Variants in LGR4 observed in about 807,000 individuals in gnomAD.
The protein encoded by LGR4 is leucine rich repeat containing G protein-coupled receptor 4.
LGR4 carries 44 observed loss-of-function variants against 84.8 expected under a neutral mutation model. That is an observed-to-expected ratio of 0.52 (90% confidence interval 0.41 to 0.67). LGR4 has a LOEUF of 0.67. Ranked by LOEUF, LGR4 falls within the 30% of genes least tolerant of loss-of-function variation. LGR4 has a pLI of 0.00. For synonymous variants in LGR4, 429 were observed against 434.3 expected (o/e 0.99, Z 0.15); for missense variants, 1,032 against 1,131.4 (o/e 0.91, Z 1.26).
At chr11:27,415,809 G>C (rs4565858) in intron 1 of LGR4, among the ~76,000 whole-genome samples, 1 of 151,922 alleles carries the variant, frequency 6.6e-6, no homozygotes, top group Non-Finnish European at 1.5e-5. Context: ...GTATAGTTGC[G>C]TGGGTATCCA....
intron 1 of LGR4, among the ~76,000 whole-genome samples, chr11:27,431,336 A>G (rs1864113381): frequency 6.6e-6 from 1 of 152,194 alleles, no homozygotes; most frequent in Non-Finnish European, 1.5e-5. Flanking sequence ...TTCACATGTG[A>G]GAACCACTGC....
chr11:27,396,733 G>A (rs1222870786), intron 2 of LGR4, among the ~76,000 whole-genome samples: 1 of 151,966 alleles, frequency 6.6e-6, no homozygotes, highest in African/African-American at 2.4e-5. Flanking sequence ...CTTTTTCATT[G>A]ACTAAATCTT....
At chr11:27,406,460 C>T (rs1402971694) in intron 2 of LGR4, among the ~76,000 whole-genome samples, 1 of 152,090 alleles carries the variant, frequency 6.6e-6, no homozygotes, top group Non-Finnish European at 1.5e-5. Context: ...TGAAAAGCTT[C>T]GGCTCCCAAT....
At chr11:27,411,961 T>C (rs1359820563) in intron 2 of LGR4, among the ~76,000 whole-genome samples, 3 of 152,134 alleles carry the variant, frequency 2.0e-5, no homozygotes, top group African/African-American at 7.2e-5. Context: ...TCTTTGATGT[T>C]CTTAGTATCA....
chr11:27,416,365 G>A (rs571526400), intron 1 of LGR4, among the ~76,000 whole-genome samples: 1 of 152,292 alleles, frequency 6.6e-6, no homozygotes, highest in South Asian at 2.1e-4. Flanking sequence ...TTGTAAAACG[G>A]AGGCAGTAAT....
At chr11:27,463,556 C>T (rs1300477810) in intron 1 of LGR4, among the ~76,000 whole-genome samples, 1 of 151,978 alleles carries the variant, frequency 6.6e-6, no homozygotes, top group African/African-American at 2.4e-5. Flanking sequence ...GAGGCTGAGG[C>T]GGGCGGATCA....
rs1229628589 is a variant in LGR4 at position 27,472,677 on chromosome 11, A to C, written c.-375T>G. The C allele has an allele frequency of 5.6e-6, 2 of 357,400 alleles. No homozygotes were observed. The highest frequency in any genetic ancestry group is 1.0e-5 in the Non-Finnish European group (2 of 200,534). 22.1% of individuals were successfully genotyped at this position (357,400 alleles called of 1,614,324 possible). On this transcript the variant is annotated 5_prime_UTR_variant, in exon 1 of 18. Coordinates refer to ENST00000379214, the MANE Select transcript of LGR4 (RefSeq NM_018490.5). ...AGCGCAGCCTTCAGCCATGCCGGCC[A>C]CTCGCCCCAGCCCCCGCCGTGGCTC...
intron 13 of LGR4, among the ~76,000 whole-genome samples, chr11:27,375,866 A>G (rs1295383291): frequency 6.6e-6 from 1 of 152,238 alleles, no homozygotes; most frequent in African/African-American, 2.4e-5. Flanking sequence ...TAGCTAAAGT[A>G]AAAAATATTG....
At chr11:27,373,153 C>T (rs766052751) in intron 15 of LGR4, 4 of 153,012 alleles carry the variant, frequency 2.6e-5, no homozygotes, top group South Asian at 2.1e-4. Flanking sequence ...CGAGCCACCA[C>T]GCTCGGCCTC....
At chr11:27,463,523 C>T (rs558997331) in intron 1 of LGR4, among the ~76,000 whole-genome samples, 1 of 152,134 alleles carries the variant, frequency 6.6e-6, no homozygotes, top group East Asian at 1.9e-4. Flanking sequence ...TGGTGGCTCA[C>T]ACCTGTAATC....
chr11:27,384,832 C>T (rs763776098), intron 5 of LGR4, among the ~76,000 whole-genome samples: 3 of 152,122 alleles, frequency 2.0e-5, no homozygotes, highest in Non-Finnish European at 4.4e-5. Flanking sequence ...AAAAGAAGCA[C>T]TATTTTGTTA....
intron 1 of LGR4, among the ~76,000 whole-genome samples, chr11:27,417,702 C>T (rs1863846885): frequency 6.6e-6 from 1 of 152,054 alleles, no homozygotes; most frequent in Non-Finnish European, 1.5e-5. Context: ...ATATCAACAC[C>T]CACTGGTAAC....
intron 1 of LGR4, among the ~76,000 whole-genome samples, chr11:27,460,951 C>T (rs1864669444): frequency 6.6e-6 from 1 of 151,394 alleles, no homozygotes; most frequent in East Asian, 1.9e-4. Flanking sequence ...GTATTTGAAA[C>T]ACTCAGCCAA....
intron 1 of LGR4, among the ~76,000 whole-genome samples, chr11:27,436,374 AG>A (rs1398397653): frequency 8.4e-6 from 1 of 119,566 alleles, no homozygotes; most frequent in African/African-American, 4.1e-5. Context: ...AGAAAGAAAG[AG>A]AGAGAGAGAG....
Position 27,372,342 on chromosome 11 carries a change from T to G in LGR4, c.1436A>C (p.Tyr479Ser). ...GTTATCTTCTGTGTTTAAATTTGCA[T>G]AAGAGTCACAACCCCAAAATGCACA... ...QCCAFWGCDS[Y>S]ANLNTEDNSL... Residue 479 changes from tyrosine (Y) to serine (S), a missense_variant, in exon 16 of 18, where the codon TAT becomes TCT. Coordinates refer to ENST00000379214, the MANE Select transcript of LGR4 (RefSeq NM_018490.5). The G allele has an allele frequency of 1.2e-6, 2 of 1,613,906 alleles. No homozygotes were observed. The highest frequency in any genetic ancestry group is 8.5e-7 in the Non-Finnish European group (1 of 1,179,820).
In LGR4 at chr11:27,392,478, C is replaced by T. The variant is rs1430602959; in HGVS notation, c.298G>A (p.Ala100Thr). 3.1e-6 allele frequency: 5 copies of T among 1,594,954 alleles called. No homozygotes were observed. The highest frequency in any genetic ancestry group is 4.3e-6 in the Non-Finnish European group (5 of 1,173,994). The change falls in exon 3 of 18, where the codon GCC becomes ACC. Residue 100 changes from alanine (A) to threonine (T), a missense_variant. Transcript: ENST00000379214. ...GNDLSFIHPK[A>T]LSGLKELKVL... ...TTGAGTTCTTTCAACCCAGACAAGG[C>T]CTTTGGGTGGATAAAAGAAAGGTCG...
chr11:27,444,380 C>G (rs992967839), intron 1 of LGR4, among the ~76,000 whole-genome samples: 1 of 152,106 alleles, frequency 6.6e-6, no homozygotes, highest in African/African-American at 2.4e-5. Flanking sequence ...TTAGAAAGAC[C>G]TAGATTAGTC....
At chr11:27,372,149 G>A in intron 16 of LGR4, 134 bp downstream of exon 16, 2 of 666,004 alleles carry the variant, frequency 3.0e-6, no homozygotes, top group South Asian at 1.8e-5. Context: ...ACAGGCATGA[G>A]CCATCACACC....
chr11:27,454,062 T>C (rs994914983), intron 1 of LGR4, among the ~76,000 whole-genome samples: 1 of 152,238 alleles, frequency 6.6e-6, no homozygotes, highest in African/African-American at 2.4e-5. Context: ...TGATAAAACT[T>C]TGGTCTCCAC....
Sources: gnomAD v4.1 joint callset for allele counts (sites outside exome capture counted in the v4.1 genomes callset) on GRCh38, gnomAD v4.1.1 for gene constraint, MANE v1.5 for transcripts, NCBI Gene and HGNC (gene_info 2026-07-23, HGNC 2026-07-21) for gene names.